AKAP10: variants seen among roughly 807,000 people sequenced by gnomAD.
AKAP10 encodes A-kinase anchoring protein 10.
A neutral mutation model predicts 80.8 loss-of-function variants in AKAP10; 24 were observed. The observed-to-expected ratio is 0.30, with a 90% CI of 0.22 to 0.42. The LOEUF (loss-of-function observed/expected upper bound fraction) is 0.42, where lower values mean the gene tolerates loss of function less well. Among genes scored for constraint, AKAP10 ranks in the 10% least tolerant of loss-of-function variants. The pLI is 1.00. For synonymous variants in AKAP10, 291 were observed against 277.7 expected, an observed-to-expected ratio of 1.05 and a Z score of -0.48; for missense variants, 661 against 794.9, an observed-to-expected ratio of 0.83 and a Z score of 2.03.
At position 19,920,079 on chromosome 17, in the gene AKAP10, G is replaced by A. The variant is rs2042793719; in HGVS notation, c.1791C>T (p.Phe597=). The change falls in exon 12 of 15, where the codon TTC becomes TTT. Residue 597 remains phenylalanine, a synonymous_variant. Transcript: ENST00000225737. The part of the protein sequence containing the change: ...TFGRVSDLGQ[F]IRESEPEPDV... Reference sequence around the variant, plus strand: ...CAGGTTCAGGCTCAGATTCTCGGATGAATTGCCCCAAGTCACTGACTCTTC... The same window carrying A: ...CAGGTTCAGGCTCAGATTCTCGGATAAATTGCCCCAAGTCACTGACTCTTC... 1 of 1,613,608 alleles carries A rather than the reference G, an allele frequency of 6.2e-7. No individual in the cohort carries two copies. The highest frequency in any genetic ancestry group is 1.1e-5 in the South Asian group (1 of 91,042).
At chr17:19,919,936 C>G in intron 12 of AKAP10, 100 bp downstream of exon 12, 1 of 999,610 alleles carries the variant, frequency 1.0e-6, no homozygotes, top group Non-Finnish European at 1.5e-6. Context: ...ACAGTGGTTA[C>G]TTTACAAAAT....
chr17:19,934,466 G>T (rs1676084679), intron 9 of AKAP10, among the ~76,000 whole-genome samples: 1 of 152,106 alleles, frequency 6.6e-6, no homozygotes, highest in African/African-American at 2.4e-5. Flanking sequence ...TCCAGCTTCA[G>T]CCTCCTGAGT....
At chr17:19,920,876 AAAAAAAAAAG>A (rs1238590469) in intron 11 of AKAP10, among the ~76,000 whole-genome samples, 16 of 149,542 alleles carry the variant, frequency 1.1e-4, no homozygotes, top group African/African-American at 3.9e-4. Flanking sequence ...AAAAAAAAAA[AAAAAAAAAAG>A]CAAAAAATAC....
intron 2 of AKAP10, among the ~76,000 whole-genome samples, chr17:19,967,718 A>G (rs2043438582): frequency 6.6e-6 from 1 of 151,782 alleles, no homozygotes; most frequent in Non-Finnish European, 1.5e-5. Flanking sequence ...CCCTGTCTCT[A>G]CTAAAAATAC....
chr17:19,949,557 G>A (rs989296022), intron 4 of AKAP10, among the ~76,000 whole-genome samples: 6 of 151,362 alleles, frequency 4.0e-5, no homozygotes, highest in African/African-American at 7.3e-5. Context: ...GAATCACAAG[G>A]TCAAGAAATC....
intron 9 of AKAP10, among the ~76,000 whole-genome samples, chr17:19,935,561 G>A (rs1212432436): frequency 6.6e-6 from 1 of 151,692 alleles, no homozygotes; most frequent in African/African-American, 2.4e-5. Flanking sequence ...ATATACAGCT[G>A]TACAAAAATA....
rs1390899102 is a variant in AKAP10, at chr17:19,931,388, CTCTCT to C, written c.1641+412_1641+416del. The stretch of plus-strand genomic sequence containing the variant: ...GATAGTAAGTAGGCTAATTTTATTT[CTCTCT>C]TTTTTTTTTTTTTTTGAGACACAGT... On this transcript the variant is annotated intron_variant, in intron 10 of 14. Transcript: ENST00000225737. Among the ~76,000 whole-genome samples the C allele has an allele frequency of 2.7e-5, 4 of 148,940 alleles. No individual in the cohort carries two copies. The Admixed American group carries it at 2.8e-4, about 10-fold the overall frequency.
chr17:19,940,898 A>G lies in AKAP10; in HGVS notation c.1174T>C (p.Tyr392His), dbSNP rs769485053. Reference protein sequence around the residue: ...DILFCESALFYFSEYMEKEDA... With the variant: ...DILFCESALFHFSEYMEKEDA... ...AATGCAGACTTTACCTCAGAGAAAT[A>G]AAAGAGGGCTGACTCACAGAAGAGA... The change falls in exon 7 of 15, where the codon TAT (tyrosine) becomes CAT (histidine). Residue 392 changes from tyrosine to histidine, a missense_variant. Coordinates refer to ENST00000225737, the MANE Select transcript of AKAP10 (RefSeq NM_007202.4). 3.1e-6 allele frequency: 5 copies of G among 1,600,654 alleles called. No homozygotes were observed. In the Middle Eastern group the frequency reaches 8.4e-4, roughly 267 times the overall value.
intron 14 of AKAP10, among the ~76,000 whole-genome samples, chr17:19,906,539 G>A (rs568912196): frequency 6.6e-6 from 1 of 152,324 alleles, no homozygotes; most frequent in East Asian, 1.9e-4. Context: ...TTTCAATAGA[G>A]TAATTCTACT....
At chr17:19,937,417 G>A (rs905506257) in intron 8 of AKAP10, among the ~76,000 whole-genome samples, 16 of 152,162 alleles carry the variant, frequency 1.1e-4, no homozygotes, top group African/African-American at 3.9e-4. Context: ...CAGGAGAACC[G>A]CTTGAACCCA....
chr17:19,946,429 C>A (rs2152415644), intron 5 of AKAP10, among the ~76,000 whole-genome samples: 1 of 146,066 alleles, frequency 6.8e-6, no homozygotes, highest in East Asian at 2.0e-4. Context: ...GAGCTGTTAC[C>A]CTGGACAAAG....
In AKAP10 at chr17:19,947,555, A is replaced by T. The variant is rs2152415863; in HGVS notation, c.878-50T>A. The T allele has an allele frequency of 3.3e-6, 4 of 1,208,740 alleles. No individual in the cohort carries two copies. In the East Asian group the frequency reaches 9.3e-5, roughly 28 times the overall value. 74.9% of individuals were successfully genotyped at this position (1,208,740 alleles called of 1,614,324 possible). On this transcript the variant is annotated intron_variant, in intron 4 of 14. Transcript: ENST00000225737. The stretch of plus-strand genomic sequence containing the variant: ...AAAACCAAAAAGCAACTTGGACTCC[A>T]GTAATGAATTATATTCATGAATAGC...
chr17:19,924,652 G>T lies in AKAP10; in HGVS notation c.1642-135C>A, dbSNP rs1209984628. On this transcript the variant is annotated intron_variant, in intron 10 of 14. Transcript: ENST00000225737. Reference sequence around the variant, plus strand: ...CACTCAACCTCATCACTATTAAGATGCTTAACAACAATGACTCTGAAATGT... The same window carrying T: ...CACTCAACCTCATCACTATTAAGATTCTTAACAACAATGACTCTGAAATGT... 6.3e-6 allele frequency: 3 copies of T among 479,824 alleles called. 1 individual carries two copies. The East Asian group carries it at 1.0e-4, about 16-fold the overall frequency. The allele number at this position is 479,824 out of a possible 1,614,324, so 29.7% of individuals were successfully genotyped here.
At chr17:19,969,502 G>C (rs1246358409) in intron 1 of AKAP10, among the ~76,000 whole-genome samples, 1 of 151,154 alleles carries the variant, frequency 6.6e-6, no homozygotes, top group East Asian at 1.9e-4. Flanking sequence ...TCTATCACAG[G>C]ATCTGACATA....
rs1308229443 is a variant in AKAP10 at position 19,905,763 on chromosome 17, C to G, written c.*464G>C. 1 of 154,352 alleles carries G rather than the reference C, an allele frequency of 6.5e-6. No individual in the cohort carries two copies. The highest frequency in any genetic ancestry group is 1.4e-5 in the Non-Finnish European group (1 of 69,180). The allele number at this position is 154,352 out of a possible 1,614,324, so 9.6% of individuals were successfully genotyped here. On this transcript the variant is annotated 3_prime_UTR_variant, in exon 15 of 15. Coordinates refer to ENST00000225737, the MANE Select transcript of AKAP10 (RefSeq NM_007202.4). Reference sequence around the variant, plus strand: ...CGCTGCCACTCAAAGCTGCCTGGCTCTCGGTGGGGCTGACTCACCTGCTTT... The same window carrying G: ...CGCTGCCACTCAAAGCTGCCTGGCTGTCGGTGGGGCTGACTCACCTGCTTT...
At chr17:19,912,091 C>T (rs1257648916) in intron 12 of AKAP10, among the ~76,000 whole-genome samples, 2 of 152,022 alleles carry the variant, frequency 1.3e-5, no homozygotes, top group South Asian at 2.1e-4. Flanking sequence ...TCTTGCTTGC[C>T]CTTCTCATAA....
At chr17:19,946,237 T>TATATA (rs1491288818) in intron 5 of AKAP10, among the ~76,000 whole-genome samples, 42 of 15,170 alleles carry the variant, frequency 2.8e-3, no homozygotes, top group Non-Finnish European at 3.1e-3. Context: ...TATATATATA[T>TATATA]TATATATATA....
chr17:19,951,509 G>A (rs1205769465), intron 4 of AKAP10, among the ~76,000 whole-genome samples: 2 of 152,236 alleles, frequency 1.3e-5, no homozygotes, highest in Non-Finnish European at 2.9e-5. Context: ...TGTCTGTGTA[G>A]AAAGAAGTAG....
intron 8 of AKAP10, 29 bp from the exon 9 acceptor site, chr17:19,936,459 T>C: frequency 6.3e-7 from 1 of 1,581,338 alleles, no homozygotes; most frequent in Non-Finnish European, 8.6e-7. Context: ...CGAAGTAAAA[T>C]CAAATTCCAT....
Sources: allele counts gnomAD v4.1 joint callset (sites outside exome capture counted in the v4.1 genomes callset), GRCh38; gene constraint gnomAD v4.1.1; transcripts MANE v1.5; gene names NCBI Gene and HGNC (gene_info 2026-07-23, HGNC 2026-07-21).